EFCAB5: variants seen among roughly 807,000 people sequenced by gnomAD.
EFCAB5 encodes EF-hand calcium binding domain 5.
A neutral mutation model predicts 167.9 loss-of-function variants in EFCAB5; 131 were observed. The observed-to-expected ratio is 0.78, with a 90% CI of 0.68 to 0.90. The LOEUF (loss-of-function observed/expected upper bound fraction) is 0.90, where lower values mean the gene tolerates loss of function less well. Ranked by LOEUF, EFCAB5 falls within the 40% of genes least tolerant of loss-of-function variation. The pLI, the probability that EFCAB5 is intolerant of heterozygous loss-of-function variation, is 0.00. For synonymous variants in EFCAB5, 574 were observed against 602.8 expected (o/e 0.95, Z 0.70); for missense variants, 1,663 against 1,745.2 (o/e 0.95, Z 0.84).
In EFCAB5 at chr17:30,078,461, C is replaced by T. The variant is rs1277473329; in HGVS notation, c.2984C>T (p.Ser995Phe). 1 of 1,613,152 alleles carries T rather than the reference C, an allele frequency of 6.2e-7. No individual in the cohort carries two copies. The highest frequency in any genetic ancestry group is 1.1e-5 in the South Asian group (1 of 90,936). The change falls in exon 15 of 23, where the codon TCC (serine) becomes TTC (phenylalanine). Residue 995 changes from serine (S) to phenylalanine (F), a missense_variant. By Grantham distance (155) the Ser-to-Phe change is radical. Transcript: ENST00000394835. ...IQCAAETSGV[S>F]LEPVYSETFK... ...TGTGCTGCAGAGACAAGTGGGGTGTCCCTAGAGCCGGTGTATAGTGAGACC... is the reference window on the plus strand; with the variant it reads ...TGTGCTGCAGAGACAAGTGGGGTGTTCCTAGAGCCGGTGTATAGTGAGACC...
chr17:29,931,279 C>T (rs1370445617), intron 1 of EFCAB5, among the ~76,000 whole-genome samples: 1 of 152,194 alleles, frequency 6.6e-6, no homozygotes, highest in African/African-American at 2.4e-5. Flanking sequence ...AACCCACCCC[C>T]TCCTGTTTGT....
rs116017024 is a variant in EFCAB5, at chr17:30,033,786, C to T, written c.1045-444C>T. On this transcript the variant is annotated intron_variant, in intron 7 of 22. Coordinates refer to ENST00000394835, the MANE Select transcript of EFCAB5 (RefSeq NM_198529.4). ...TGCAATATCAAAAAACAAAAAGCCA[C>T]CCATGATCCTTGTCGCTTACACTCC... 3.7e-3 allele frequency among the ~76,000 whole-genome samples: 559 copies of T among 152,310 alleles called. 4 individuals are homozygous for T. The highest frequency in any genetic ancestry group is 0.013 in the African/African-American group (535 of 41,552).
rs142486227 is a variant in EFCAB5 at position 30,039,151 on chromosome 17, C to A, written c.1200+4766C>A. The stretch of plus-strand genomic sequence containing the variant: ...CGGTAAACCAACACCATCCTGAGAA[C>A]CACATCCTCACCAAAGGGTGGAAAG... On this transcript the variant is annotated intron_variant, in intron 8 of 22. Transcript: ENST00000394835. Among the ~76,000 whole-genome samples, 173 of 152,252 alleles carry A rather than the reference C, an allele frequency of 1.1e-3. 1 individual carries two copies. The highest frequency in any genetic ancestry group is 3.9e-3 in the African/African-American group (162 of 41,528).
chr17:29,994,133 A>AC (rs1166249843), intron 5 of EFCAB5, among the ~76,000 whole-genome samples: 1 of 55,844 alleles, frequency 1.8e-5, no homozygotes, highest in African/African-American at 5.9e-5. Flanking sequence ...AACAACAACA[A>AC]ATATATATAT....
intron 5 of EFCAB5, 73 bp downstream of exon 5, chr17:29,993,394 TA>T: frequency 7.1e-7 from 1 of 1,408,418 alleles, no homozygotes; most frequent in South Asian, 1.6e-5. Context: ...GAATACTGAG[TA>T]GCATACTAGA....
chr17:30,005,625 G>A (rs2068758193), intron 7 of EFCAB5, among the ~76,000 whole-genome samples: 1 of 152,004 alleles, frequency 6.6e-6, no homozygotes, highest in Non-Finnish European at 1.5e-5. Context: ...TTATCCAAGG[G>A]AACCCCAGAA....
intron 3 of EFCAB5, among the ~76,000 whole-genome samples, chr17:29,958,231 T>C (rs1227389688): frequency 6.6e-6 from 1 of 152,236 alleles, no homozygotes; most frequent in African/African-American, 2.4e-5. Flanking sequence ...AAATAAACTT[T>C]CTACCCAAAT....
At chr17:30,079,303 C>T (rs1351514411) in intron 15 of EFCAB5, among the ~76,000 whole-genome samples, 8 of 151,892 alleles carry the variant, frequency 5.3e-5, no homozygotes, top group Admixed American at 6.6e-5. Context: ...AGAGAAATCT[C>T]GCTACATATT....
intron 14 of EFCAB5, among the ~76,000 whole-genome samples, chr17:30,071,650 A>C (rs1225132967): frequency 6.6e-6 from 1 of 152,204 alleles, no homozygotes; most frequent in African/African-American, 2.4e-5. Context: ...CAAAGTATAT[A>C]TCCAAAAGAA....
intron 1 of EFCAB5, among the ~76,000 whole-genome samples, chr17:29,933,900 T>C (rs929338945): frequency 3.0e-4 from 46 of 152,296 alleles, no homozygotes; most frequent in Non-Finnish European, 2.4e-4. Context: ...ATAGAAATAG[T>C]ATTTGTACAG....
rs764718791 is a variant in EFCAB5, at chr17:30,057,754, A to G, written c.2444A>G (p.Asn815Ser). The G allele has an allele frequency of 1.5e-5, 25 of 1,613,756 alleles. No homozygotes were observed. Among genetic ancestry groups the G allele is most frequent in the African/African-American group, 6.7e-5 (5 of 74,916 alleles). The change falls in exon 13 of 23, where the codon AAT (asparagine) becomes AGT (serine). Residue 815 changes from asparagine (N) to serine (S), a missense_variant. Physicochemically the swap from Asn to Ser is conservative, Grantham distance 46. Transcript: ENST00000394835. ...GRTAFNGVSF[N>S]LLQFVQLLET... ...ACTGCCTTCAATGGAGTTTCATTCA[A>G]TCTGCTCCAGTTTGTGCAACTCCTG...
At chr17:30,057,996 A>C in intron 13 of EFCAB5, 106 bp downstream of exon 13, 1 of 953,810 alleles carries the variant, frequency 1.0e-6, no homozygotes, top group Non-Finnish European at 1.5e-6. Context: ...TGTACAACCA[A>C]ACTGATCACT....
At chr17:30,076,098 G>A (rs2070862626) in intron 14 of EFCAB5, among the ~76,000 whole-genome samples, 1 of 152,076 alleles carries the variant, frequency 6.6e-6, no homozygotes, top group Admixed American at 6.6e-5. Context: ...TCCAAATAAT[G>A]ACATTAGGAC....
chr17:29,979,605 T>G (rs1359628456), intron 4 of EFCAB5, among the ~76,000 whole-genome samples: 1 of 152,242 alleles, frequency 6.6e-6, no homozygotes, highest in Non-Finnish European at 1.5e-5. Context: ...TTTAGCTGGC[T>G]AAGTTCTCCT....
At chr17:30,099,867 A>C (rs1002655152) in intron 22 of EFCAB5, among the ~76,000 whole-genome samples, 1 of 152,034 alleles carries the variant, frequency 6.6e-6, no homozygotes, top group Non-Finnish European at 1.5e-5. Context: ...GTTCCCTCAC[A>C]GTAGGTGTGT....
Position 30,088,822 on chromosome 17 carries a change from A to C in EFCAB5, c.3684-1599A>C, listed in dbSNP as rs561593879. Among the ~76,000 whole-genome samples the C allele has an allele frequency of 4.6e-5, 7 of 152,356 alleles. No individual in the cohort carries two copies. In the South Asian group the frequency reaches 1.2e-3, roughly 27 times the overall value. ...GTCAATTAAATTTTAGTTTGGCCTC[A>C]TGCCAGAATGTTGGTTCAATCTCAA... On this transcript the variant is annotated intron_variant, in intron 19 of 22. Coordinates refer to ENST00000394835, the MANE Select transcript of EFCAB5 (RefSeq NM_198529.4).
chr17:30,053,161 C>A, intron 9 of EFCAB5, 94 bp from the exon 10 acceptor site: 2 of 1,399,488 alleles, frequency 1.4e-6, no homozygotes, highest in South Asian at 1.5e-5. Context: ...ATTACAATTT[C>A]TGTGCTCAAT....
At chr17:30,031,845 G>T (rs1784074520) in intron 7 of EFCAB5, 1 of 152,034 alleles carries the variant, frequency 6.6e-6, no homozygotes, top group South Asian at 2.1e-4. Flanking sequence ...AACATAGTGA[G>T]ACCCTATCTC....
At chr17:30,033,351 T>C (rs1203248859) in intron 7 of EFCAB5, among the ~76,000 whole-genome samples, 1 of 152,156 alleles carries the variant, frequency 6.6e-6, no homozygotes, top group East Asian at 1.9e-4. Flanking sequence ...GTGCTGGGAT[T>C]ACAGGCGTGA....
Sources: gnomAD v4.1 joint callset for allele counts (sites outside exome capture counted in the v4.1 genomes callset) on GRCh38, gnomAD v4.1.1 for gene constraint, MANE v1.5 for transcripts, NCBI Gene and HGNC (gene_info 2026-07-23, HGNC 2026-07-21) for gene names.